The following MYO1E variants were observed in gnomAD, a reference collection of about 807,000 sequenced individuals.
MYO1E encodes the protein myosin IE.
In MYO1E, 68 loss-of-function variants were observed where a neutral mutation model predicts 151.1. The ratio of observed to expected loss-of-function variants is 0.45; its 90% CI spans 0.37 to 0.55. The LOEUF (loss-of-function observed/expected upper bound fraction) is 0.55. Ranked by LOEUF, MYO1E falls within the 20% of genes least tolerant of loss-of-function variation. MYO1E has a pLI of 0.00. For synonymous variants in MYO1E, 601 were observed against 501.7 expected (o/e 1.20, Z -2.64); for missense variants, 1,363 against 1,389.3 (o/e 0.98, Z 0.30).
At chr15:59,346,820 G>C (rs1309082832) in intron 1 of MYO1E, among the ~76,000 whole-genome samples, 1 of 152,020 alleles carries the variant, frequency 6.6e-6, no homozygotes, top group Non-Finnish European at 1.5e-5. Context: ...AGGAGGCTGA[G>C]ATGGGAGGAT....
chr15:59,222,907 C>T (rs2079964956), intron 9 of MYO1E, 152 bp downstream of exon 9: 5 of 1,207,684 alleles, frequency 4.1e-6, no homozygotes, highest in Admixed American at 3.9e-5. Flanking sequence ...TCTGGTCTCT[C>T]GTGAAGCCAT....
At position 59,234,261 on chromosome 15, in the gene MYO1E, G is replaced by GAT. The variant is rs71425850; in HGVS notation, c.420+2323_420+2324insAT. Reference sequence around the variant, plus strand: ...GGATGGATGGGTGCATGGATGGATGGGTGCATGGATGGATGGATGCACGGA... The same window carrying GAT: ...GGATGGATGGGTGCATGGATGGATGGATGTGCATGGATGGATGGATGCACGGA... On this transcript the variant is annotated intron_variant, in intron 5 of 27. Coordinates refer to ENST00000288235, the MANE Select transcript of MYO1E (RefSeq NM_004998.4). 2.0e-3 allele frequency among the ~76,000 whole-genome samples: 299 copies of GAT among 147,584 alleles called. 2 individuals carry two copies. The highest frequency in any genetic ancestry group is 7.5e-3 in the African/African-American group (282 of 37,786).
intron 1 of MYO1E, among the ~76,000 whole-genome samples, chr15:59,287,594 C>T (rs1056024943): frequency 2.0e-5 from 3 of 152,102 alleles, no homozygotes; most frequent in Non-Finnish European, 4.4e-5. Flanking sequence ...AGCAGGTCCT[C>T]GGATGACGCC....
chr15:59,329,252 T>A (rs77882973), intron 1 of MYO1E, among the ~76,000 whole-genome samples: 83 of 152,264 alleles, frequency 5.5e-4, no homozygotes, highest in Admixed American at 9.2e-4. Context: ...GTCCCATGAA[T>A]TATTCCTCTT....
At chr15:59,312,672 C>T (rs1450431361) in intron 1 of MYO1E, among the ~76,000 whole-genome samples, 1 of 151,948 alleles carries the variant, frequency 6.6e-6, no homozygotes, top group East Asian at 1.9e-4. Context: ...TGCTAGTTCA[C>T]AAAATGGGGC....
chr15:59,280,333 T>A (rs2080345838), intron 1 of MYO1E, among the ~76,000 whole-genome samples: 1 of 152,168 alleles, frequency 6.6e-6, no homozygotes, highest in South Asian at 2.1e-4. Context: ...AATTAGGATG[T>A]CTTATAATCA....
chr15:59,251,494 C>T (rs775626932), intron 4 of MYO1E, among the ~76,000 whole-genome samples: 6 of 152,106 alleles, frequency 3.9e-5, no homozygotes, highest in Admixed American at 3.3e-4. Flanking sequence ...CAGAAAAGGA[C>T]GTTTGCGACT....
chr15:59,346,294 C>T (rs1191340925), intron 1 of MYO1E, among the ~76,000 whole-genome samples: 1 of 152,166 alleles, frequency 6.6e-6, no homozygotes, highest in African/African-American at 2.4e-5. Context: ...TCAGCCCAGA[C>T]TCAGCTCCTT....
At chr15:59,223,290 G>T in intron 8 of MYO1E, 99 bp from the exon 9 acceptor site, 11 of 1,397,110 alleles carry the variant, frequency 7.9e-6, no homozygotes, top group African/African-American at 1.5e-5. Context: ...AAATAAGGAT[G>T]TGACAAGTAC....
intron 22 of MYO1E, among the ~76,000 whole-genome samples, chr15:59,167,858 T>C (rs1450809871): frequency 1.3e-5 from 2 of 152,048 alleles, no homozygotes; most frequent in Non-Finnish European, 2.9e-5. Context: ...TTTGTATTTT[T>C]AGTAGAGAGG....
chr15:59,221,034 T>C (rs2079952587), intron 9 of MYO1E, among the ~76,000 whole-genome samples: 1 of 145,742 alleles, frequency 6.9e-6, no homozygotes, highest in South Asian at 2.1e-4. Context: ...TTTATATATA[T>C]ATTATATATA....
Position 59,268,720 on chromosome 15 carries a change from A to ATTTTTTTTTTTTTTTTTTTTTTTTTTTT in MYO1E, c.147+3585_147+3586insAAAAAAAAAAAAAAAAAAAAAAAAAAAA, listed in dbSNP as rs398027512. On this transcript the variant is annotated intron_variant, in intron 2 of 27. Transcript: ENST00000288235. The stretch of plus-strand genomic sequence containing the variant: ...GTGATGGGTTCTGGGTGACTTTGGT[A>ATTTTTTTTTTTTTTTTTTTTTTTTTTTT]TTTTTTTTTTTTTTTTTTTTTGCTT... 7.3e-3 allele frequency among the ~76,000 whole-genome samples: 326 copies of ATTTTTTTTTTTTTTTTTTTTTTTTTTTT among 44,898 alleles called. 120 individuals carry two copies. Among genetic ancestry groups the ATTTTTTTTTTTTTTTTTTTTTTTTTTTT allele is most frequent in the Non-Finnish European group, 0.011 (217 of 20,428 alleles). The allele number at this position is 44,898 out of a possible 152,430, so 29.5% of individuals were successfully genotyped here. A position where few individuals can be genotyped will look rare whatever the true frequency, so the allele number is the denominator to read the frequency against.
At chr15:59,365,432 G>T (rs1479352970) in intron 1 of MYO1E, among the ~76,000 whole-genome samples, 1 of 152,120 alleles carries the variant, frequency 6.6e-6, no homozygotes, top group Non-Finnish European at 1.5e-5. Flanking sequence ...GACTCTTAAA[G>T]AATTATTCCC....
chr15:59,224,604 C>T (rs1566984502), intron 8 of MYO1E, 85 bp downstream of exon 8: 4 of 1,561,032 alleles, frequency 2.6e-6, no homozygotes, highest in Middle Eastern at 2.0e-4. Flanking sequence ...CAGCTCTTTG[C>T]TTTATTAACC....
At chr15:59,261,019 G>C (rs2080221453) in intron 3 of MYO1E, among the ~76,000 whole-genome samples, 1 of 152,132 alleles carries the variant, frequency 6.6e-6, no homozygotes, top group African/African-American at 2.4e-5. Flanking sequence ...TTCAAGACTA[G>C]CCTGACCAAC....
intron 19 of MYO1E, among the ~76,000 whole-genome samples, chr15:59,176,369 G>C (rs1464109038): frequency 6.6e-6 from 1 of 151,968 alleles, no homozygotes; most frequent in African/African-American, 2.4e-5. Context: ...TATGATGTGG[G>C]TTCTTAAAGC....
intron 18 of MYO1E, among the ~76,000 whole-genome samples, chr15:59,183,064 G>A (rs1321385150): frequency 2.0e-5 from 3 of 152,154 alleles, no homozygotes; most frequent in Non-Finnish European, 4.4e-5. Context: ...GGTAATGCTC[G>A]CTGGCCTGCT....
intron 1 of MYO1E, among the ~76,000 whole-genome samples, chr15:59,307,033 G>C (rs2080518782): frequency 6.6e-6 from 1 of 152,216 alleles, no homozygotes; most frequent in Non-Finnish European, 1.5e-5. Context: ...CGGGATGCAA[G>C]CATATAGAAA....
chr15:59,363,969 G>C (rs887483677), intron 1 of MYO1E, among the ~76,000 whole-genome samples: 1 of 152,094 alleles, frequency 6.6e-6, no homozygotes, highest in Non-Finnish European at 1.5e-5. Flanking sequence ...TAGAGACGGG[G>C]GTTTTGACAT....
Sources: allele counts gnomAD v4.1 joint callset (sites outside exome capture counted in the v4.1 genomes callset), GRCh38; gene constraint gnomAD v4.1.1; transcripts MANE v1.5; gene names NCBI Gene and HGNC (gene_info 2026-07-23, HGNC 2026-07-21).